TMEM45A: variants seen among roughly 807,000 people sequenced by gnomAD.
TMEM45A encodes the protein DNA polymerase-transactivated protein 4.
A neutral mutation model predicts 32.0 loss-of-function variants in TMEM45A; 25 were observed. The ratio of observed to expected loss-of-function variants is 0.78; its 90% CI spans 0.57 to 1.09. The LOEUF (loss-of-function observed/expected upper bound fraction) is 1.09. TMEM45A is among the 50% of genes least tolerant of loss of function. TMEM45A has a pLI of 0.00. For missense variants in TMEM45A, 302 were observed against 325.0 expected (o/e 0.93, Z 0.54); for synonymous variants, 122 against 114.8 (o/e 1.06, Z -0.40).
At chr3:100,565,253 G>A (rs1160612544) in intron 4 of TMEM45A, among the ~76,000 whole-genome samples, 2 of 152,092 alleles carry the variant, frequency 1.3e-5, no homozygotes, top group African/African-American at 4.8e-5. Context: ...GAGGATTACC[G>A]TTTATGTACA....
At chr3:100,566,582 C>A (rs569765305) in intron 4 of TMEM45A, among the ~76,000 whole-genome samples, 1 of 152,102 alleles carries the variant, frequency 6.6e-6, no homozygotes, top group East Asian at 1.9e-4. Context: ...TCTTCATTAT[C>A]CAGATAATCA....
intron 1 of TMEM45A, among the ~76,000 whole-genome samples, chr3:100,525,512 C>T (rs897369748): frequency 4.6e-5 from 7 of 152,154 alleles, no homozygotes; most frequent in African/African-American, 2.4e-5. Context: ...CAAAATTACA[C>T]ATTGTGATGC....
intron 3 of TMEM45A, among the ~76,000 whole-genome samples, chr3:100,557,438 T>C (rs1472172475): frequency 6.6e-6 from 1 of 152,158 alleles, no homozygotes; most frequent in Non-Finnish European, 1.5e-5. Flanking sequence ...GTCCAAAAAA[T>C]GCAGTCACAT....
intron 1 of TMEM45A, among the ~76,000 whole-genome samples, chr3:100,540,875 A>G (rs1162822912): frequency 6.6e-6 from 1 of 152,204 alleles, no homozygotes; most frequent in African/African-American, 2.4e-5. Context: ...GTCAAATGTT[A>G]GTTCTAAGTT....
intron 1 of TMEM45A, among the ~76,000 whole-genome samples, chr3:100,552,203 A>G (rs769873750): frequency 8.5e-5 from 13 of 152,152 alleles, no homozygotes; most frequent in Non-Finnish European, 4.4e-5. Context: ...CTTTTTTAAT[A>G]TACTAACAGC....
intron 1 of TMEM45A, among the ~76,000 whole-genome samples, chr3:100,540,015 T>C (rs58211782): frequency 0.1 from 15,780 of 152,186 alleles, 2,743 homozygotes; most frequent in African/African-American, 0.36. Flanking sequence ...TTCTAAAAGA[T>C]AACAGAGGAA....
At chr3:100,509,097 G>A (rs975967373) in intron 1 of TMEM45A, among the ~76,000 whole-genome samples, 3 of 151,964 alleles carry the variant, frequency 2.0e-5, no homozygotes, top group Admixed American at 6.6e-5. Context: ...AATATACAAC[G>A]AACTCCATCA....
intron 1 of TMEM45A, among the ~76,000 whole-genome samples, chr3:100,507,422 G>A (rs1708093354): frequency 6.6e-6 from 1 of 152,212 alleles, no homozygotes; most frequent in South Asian, 2.1e-4. Context: ...ATGATCACAA[G>A]ATATTACTGT....
At chr3:100,557,000 C>A (rs764767412) in intron 3 of TMEM45A, 28 bp downstream of exon 3, 1 of 1,605,912 alleles carries the variant, frequency 6.2e-7, no homozygotes, top group Non-Finnish European at 8.5e-7. Flanking sequence ...TTTTCATGTA[C>A]CTTTCTCTAT....
At chr3:100,535,115 C>T (rs1705718371) in intron 1 of TMEM45A, among the ~76,000 whole-genome samples, 1 of 151,776 alleles carries the variant, frequency 6.6e-6, no homozygotes, top group Non-Finnish European at 1.5e-5. Flanking sequence ...GGCACTATTT[C>T]CTTGGCTGGG....
chr3:100,575,640 G>A (rs1706669227), intron 5 of TMEM45A, among the ~76,000 whole-genome samples: 1 of 152,142 alleles, frequency 6.6e-6, no homozygotes, highest in Admixed American at 6.5e-5. Flanking sequence ...CACAGTGCTG[G>A]GATTATAGGC....
intron 1 of TMEM45A, among the ~76,000 whole-genome samples, chr3:100,530,478 A>G: frequency 6.6e-6 from 1 of 152,226 alleles, no homozygotes; most frequent in Non-Finnish European, 1.5e-5. Context: ...CTTTACTCAA[A>G]GTCTACTGAT....
At chr3:100,544,609 T>A (rs1412741996) in intron 1 of TMEM45A, among the ~76,000 whole-genome samples, 2 of 152,230 alleles carry the variant, frequency 1.3e-5, no homozygotes, top group Admixed American at 1.3e-4. Context: ...AATGGAACTA[T>A]GCAGTAAGTA....
intron 1 of TMEM45A, among the ~76,000 whole-genome samples, chr3:100,554,154 A>C (rs7622658): frequency 0.42 from 63,951 of 151,824 alleles, 13,650 homozygotes; most frequent in Middle Eastern, 0.48. Flanking sequence ...CTACTCACGT[A>C]ATTAAAAACT....
intron 1 of TMEM45A, chr3:100,519,387 A>G (rs901404207): frequency 1.8e-6 from 1 of 563,568 alleles, no homozygotes; most frequent in Non-Finnish European, 3.2e-6. Flanking sequence ...GTGTGTGTGC[A>G]TGTGTGTGTG....
intron 1 of TMEM45A, among the ~76,000 whole-genome samples, chr3:100,512,163 G>C (rs1385765691): frequency 3.3e-5 from 5 of 152,146 alleles, no homozygotes; most frequent in Non-Finnish European, 5.9e-5. Context: ...CAAATCAACA[G>C]AATATACATT....
At chr3:100,516,793 A>ATT (rs201646051) in intron 1 of TMEM45A, among the ~76,000 whole-genome samples, 15 of 149,832 alleles carry the variant, frequency 1.0e-4, no homozygotes, top group African/African-American at 3.7e-4. Context: ...AAGAGAGCCC[A>ATT]TTTTTTTTTT....
intron 1 of TMEM45A, among the ~76,000 whole-genome samples, chr3:100,493,187 A>T (rs1436778434): frequency 1.6e-5 from 2 of 126,698 alleles, no homozygotes; most frequent in African/African-American, 6.3e-5. Context: ...TGTGACTGAT[A>T]TTCTGTTGTA....
chr3:100,511,545 C>G (rs1708161408), intron 1 of TMEM45A, among the ~76,000 whole-genome samples: 1 of 151,814 alleles, frequency 6.6e-6, no homozygotes, highest in Non-Finnish European at 1.5e-5. Context: ...ACCAACGAGA[C>G]TAGGAAGAAA....
Sources: gnomAD v4.1 joint callset for allele counts (sites outside exome capture counted in the v4.1 genomes callset) on GRCh38, gnomAD v4.1.1 for gene constraint, MANE v1.5 for transcripts, NCBI Gene and HGNC (gene_info 2026-07-23, HGNC 2026-07-21) for gene names.